The following NKX2-2 variants were observed in gnomAD, a reference collection of about 807,000 sequenced individuals.
The protein encoded by NKX2-2 is homeobox protein Nkx-2.2.
In NKX2-2, 8 loss-of-function variants were observed where a neutral mutation model predicts 24.6. The observed-to-expected ratio is 0.32, with a 90% CI of 0.19 to 0.59. The LOEUF (loss-of-function observed/expected upper bound fraction) is 0.59. Ranked by LOEUF, NKX2-2 falls within the 20% of genes least tolerant of loss-of-function variation. The pLI, the probability that NKX2-2 is intolerant of heterozygous loss-of-function variation, is 0.86. For missense variants in NKX2-2, 381 were observed against 373.9 expected (o/e 1.02, Z -0.16); for synonymous variants, 217 against 173.3 (o/e 1.25, Z -1.98).
At chr20:21,519,694 T>C in the NKX2-2 span, among the ~76,000 whole-genome samples, 1 of 152,230 alleles carries the variant, frequency 6.6e-6, no homozygotes, top group African/African-American at 2.4e-5. Context: ...CCAGGAGTAC[T>C]ACCCCGTGCT....
At position 21,513,556 on chromosome 20, in the gene NKX2-2, C is replaced by G. The variant is rs754629494; in HGVS notation, c.114G>C (p.Gly38=). ...VAEGPEEENE[G]PEPAKRAGPL... ...GCCCGGCCCTCTTGGCTGGCTCGGGCCCCTCGTTCTCTTCCTCCGGACCTT... is the reference window on the plus strand; with the variant it reads ...GCCCGGCCCTCTTGGCTGGCTCGGGGCCCTCGTTCTCTTCCTCCGGACCTT... The change falls in exon 1 of 2, where the codon GGG becomes GGC. Residue 38 remains glycine (G), a synonymous_variant. Coordinates refer to ENST00000377142, the MANE Select transcript of NKX2-2 (RefSeq NM_002509.4). This position sits in a 1 kb window ranked among gnomAD's most constrained non-coding sequence, Gnocchi z 4.6. 6.2e-7 allele frequency: 1 copy of G among 1,613,184 alleles called. No individual in the cohort carries two copies. The highest frequency in any genetic ancestry group is 8.5e-7 in the Non-Finnish European group (1 of 1,179,716).
At chr20:21,517,638 T>G (rs1980673895), upstream of NKX2-2, among the ~76,000 whole-genome samples, 1 of 152,206 alleles carries the variant, frequency 6.6e-6, no homozygotes, top group Non-Finnish European at 1.5e-5. Flanking sequence ...CAGGCCCAGC[T>G]GGCGGCCAGG....
chr20:21,514,827 C>A (rs953491313), upstream of NKX2-2, among the ~76,000 whole-genome samples: 1 of 152,216 alleles, frequency 6.6e-6, no homozygotes, highest in Admixed American at 6.5e-5. Flanking sequence ...GTAATTGATT[C>A]CAGTTAACCG....
At chr20:21,520,343 C>A in the NKX2-2 span, among the ~76,000 whole-genome samples, 6 of 152,142 alleles carry the variant, frequency 3.9e-5, no homozygotes, top group Non-Finnish European at 7.4e-5. Flanking sequence ...ATATACAACA[C>A]TTTCCCAATT....
upstream of NKX2-2, among the ~76,000 whole-genome samples, chr20:21,515,191 C>A (rs542638136): frequency 2.0e-5 from 3 of 152,162 alleles, no homozygotes; most frequent in East Asian, 1.9e-4. Flanking sequence ...CTCTATTATC[C>A]CTCCCTCTCC....
rs991321207 is a variant in NKX2-2, at chr20:21,513,158, C to A, written c.259+253G>T. On this transcript the variant is annotated intron_variant, in intron 1 of 1. Transcript: ENST00000377142. This position sits in a 1 kb window ranked among gnomAD's most constrained non-coding sequence, Gnocchi z 4.6. ...TATACCAGCCCCTGGGAGGTATAGCCCTTCTCCCTCTTTCTCCTTAACTTC... is the reference window on the plus strand; with the variant it reads ...TATACCAGCCCCTGGGAGGTATAGCACTTCTCCCTCTTTCTCCTTAACTTC... Among the ~76,000 whole-genome samples the A allele has an allele frequency of 1.3e-5, 2 of 152,094 alleles. No homozygotes were observed. Among genetic ancestry groups the A allele is most frequent in the East Asian group, 3.9e-4 (2 of 5,174 alleles).
At chr20:21,516,695 C>T (rs372574102), upstream of NKX2-2, among the ~76,000 whole-genome samples, 59 of 152,294 alleles carry the variant, frequency 3.9e-4, no homozygotes, top group East Asian at 4.6e-3. Context: ...GTCTTGGGGT[C>T]CAGGGCAGCC....
At chr20:21,517,785 C>A (rs962885734), upstream of NKX2-2, among the ~76,000 whole-genome samples, 1 of 152,222 alleles carries the variant, frequency 6.6e-6, no homozygotes, top group Non-Finnish European at 1.5e-5. Context: ...CCTGAGGACT[C>A]CCCAAGAGGC....
At chr20:21,515,545 T>C (rs951929411), upstream of NKX2-2, among the ~76,000 whole-genome samples, 2 of 150,214 alleles carry the variant, frequency 1.3e-5, no homozygotes, top group Non-Finnish European at 3.0e-5. Context: ...GGCGCTGGGG[T>C]TGGAAAAGAC....
the NKX2-2 span, among the ~76,000 whole-genome samples, chr20:21,521,096 G>A: frequency 6.6e-6 from 1 of 152,150 alleles, no homozygotes; most frequent in East Asian, 1.9e-4. Flanking sequence ...GCTAAGGGCT[G>A]GTTCCGGGAA....
upstream of NKX2-2, among the ~76,000 whole-genome samples, chr20:21,518,470 G>A (rs1980694680): frequency 6.6e-6 from 1 of 152,186 alleles, no homozygotes; most frequent in Non-Finnish European, 1.5e-5. Flanking sequence ...TCTGGGTTCC[G>A]CAACGAATTG....
the NKX2-2 span, among the ~76,000 whole-genome samples, chr20:21,521,008 A>T: frequency 6.6e-6 from 1 of 152,120 alleles, no homozygotes; most frequent in Non-Finnish European, 1.5e-5. Flanking sequence ...GGTTGCATTC[A>T]GCACTTAAAG....
chr20:21,514,003 G>A lies in NKX2-2; in HGVS notation c.-334C>T. On this transcript the variant is annotated 5_prime_UTR_variant, in exon 1 of 2. The change creates a new upstream start codon in the 5' untranslated region. Transcript: ENST00000377142. ...ACTCCAGGAGGGGTGCCAAGGCGGC[G>A]TCAGCTCGGGCTCCGGCGGCCGCTC... 5.7e-6 allele frequency: 1 copy of A among 174,972 alleles called. No homozygotes were observed. Among genetic ancestry groups the A allele is most frequent in the Non-Finnish European group, 1.2e-5 (1 of 83,618 alleles). The allele number at this position is 174,972 out of a possible 1,614,324, so 10.8% of individuals were successfully genotyped here. A position where few individuals can be genotyped will look rare whatever the true frequency, so the allele number is the denominator to read the frequency against.
chr20:21,522,634 A>C, the NKX2-2 span, among the ~76,000 whole-genome samples: 1 of 151,656 alleles, frequency 6.6e-6, no homozygotes, highest in East Asian at 1.9e-4. Flanking sequence ...CTTTATCCCG[A>C]GTCGCGGGCG....
chr20:21,511,945 T>C lies in NKX2-2; in HGVS notation c.800A>G (p.Gln267Arg). Residue 267 changes from glutamine to arginine, a missense_variant, in exon 2 of 2, where the codon CAG (glutamine) becomes CGG (arginine). By Grantham distance (43) the Gln-to-Arg change is conservative. This residue lies in a region of NKX2-2 where 139 missense variants were observed against 121.7 expected (regional missense o/e 1.14). Coordinates refer to ENST00000377142, the MANE Select transcript of NKX2-2 (RefSeq NM_002509.4). ...PQYPTAHPLVQAQQWTW is the reference protein window; with the variant it reads ...PQYPTAHPLVRAQQWTW ...CGCTCACCAAGTCCACTGCTGGGCC[T>C]GGACCAGGGGGTGTGCTGTCGGGTA... 6.3e-7 allele frequency: 1 copy of C among 1,596,476 alleles called. No individual in the cohort carries two copies. The highest frequency in any genetic ancestry group is 8.5e-7 in the Non-Finnish European group (1 of 1,171,574).
At chr20:21,515,607 G>A (rs1209778444), upstream of NKX2-2, among the ~76,000 whole-genome samples, 1 of 151,154 alleles carries the variant, frequency 6.6e-6, no homozygotes, top group South Asian at 2.1e-4. Flanking sequence ...TGGGGGGGGG[G>A]TGCAGGGGTG....
At chr20:21,516,158 A>G (rs530597493), upstream of NKX2-2, among the ~76,000 whole-genome samples, 47 of 152,254 alleles carry the variant, frequency 3.1e-4, no homozygotes, top group African/African-American at 1.1e-3. Context: ...GAATAAATCT[A>G]AGGTTGTTCC....
chr20:21,522,626 T>G, the NKX2-2 span, among the ~76,000 whole-genome samples: 1 of 151,848 alleles, frequency 6.6e-6, no homozygotes, highest in South Asian at 2.1e-4. Flanking sequence ...CGGCCGCTCT[T>G]TATCCCGAGT....
upstream of NKX2-2, among the ~76,000 whole-genome samples, chr20:21,517,966 A>G (rs1322004534): frequency 6.6e-6 from 1 of 151,962 alleles, no homozygotes; most frequent in African/African-American, 2.4e-5. Context: ...CACCAGTTTC[A>G]GCTCCTGGTC....
Sources: gnomAD v4.1 joint callset for allele counts (sites outside exome capture counted in the v4.1 genomes callset) on GRCh38, gnomAD v4.1.1 for gene constraint, gnomAD v4.1.1 regional missense constraint, Gnocchi (gnomAD v3.1) non-coding constraint, MANE v1.5 for transcripts, NCBI Gene and HGNC (gene_info 2026-07-23, HGNC 2026-07-21) for gene names.